LINGO1: variants seen among roughly 807,000 people sequenced by gnomAD.
LINGO1 encodes leucine-rich repeat and immunoglobulin-like domain-containing nogo receptor-interacting protein 1.
In LINGO1, 11 loss-of-function variants were observed where a neutral mutation model predicts 37.3. That is an observed-to-expected ratio of 0.29 (90% CI 0.19 to 0.49). The LOEUF (loss-of-function observed/expected upper bound fraction) is 0.49. LINGO1 is among the 20% of genes least tolerant of loss of function. The pLI is 0.99. For missense variants in LINGO1, 585 were observed against 878.2 expected (o/e 0.67, Z 4.22); for synonymous variants, 387 against 403.0 (o/e 0.96, Z 0.48).
intron 1 of LINGO1, among the ~76,000 whole-genome samples, chr15:77,758,126 G>A (rs1280426704): frequency 6.6e-6 from 1 of 152,186 alleles, no homozygotes; most frequent in Non-Finnish European, 1.5e-5. Context: ...GGAAGGTGAA[G>A]GATGGGAGGG....
At chr15:77,647,362 T>G (rs1596043262) in intron 3 of LINGO1, among the ~76,000 whole-genome samples, 2 of 107,390 alleles carry the variant, frequency 1.9e-5, no homozygotes, top group Admixed American at 1.2e-4. Context: ...TGATCCAAGG[T>G]GGGTGGTGAT....
intron 1 of LINGO1, among the ~76,000 whole-genome samples, chr15:77,780,809 G>A (rs938778774): frequency 6.6e-6 from 1 of 150,950 alleles, no homozygotes; most frequent in African/African-American, 2.5e-5. Flanking sequence ...CAGCAAGAAG[G>A]TGGCCATAGG....
chr15:77,727,029 C>T (rs948487513), intron 2 of LINGO1, among the ~76,000 whole-genome samples: 1 of 152,198 alleles, frequency 6.6e-6, no homozygotes, highest in African/African-American at 2.4e-5. Flanking sequence ...AAAGCAAAAC[C>T]ACAATGAGGT....
At chr15:77,761,866 C>T (rs1271035187) in intron 1 of LINGO1, among the ~76,000 whole-genome samples, 1 of 152,218 alleles carries the variant, frequency 6.6e-6, no homozygotes. Context: ...CCTGGAGTCT[C>T]CATCCCTGGC....
rs1362662399 is a variant in LINGO1, at chr15:77,615,316, C to T, written c.591G>A (p.Thr197=). 6 of 1,613,622 alleles carry T rather than the reference C, an allele frequency of 3.7e-6. No homozygotes were observed. Among genetic ancestry groups the T allele is most frequent in the Admixed American group, 3.3e-5 (2 of 60,004 alleles). Residue 197 remains threonine, a synonymous_variant, in exon 2 of 2, where the codon ACG becomes ACA. Coordinates refer to ENST00000355300, the MANE Select transcript of LINGO1 (RefSeq NM_032808.7). ...FSGLNSLEQL[T]LEKCNLTSIP... ...TGGAGGTCAGGTTGCATTTCTCCAG[C>T]GTCAGCTGCTCCAGGCTGTTGAGGC...
intron 1 of LINGO1, among the ~76,000 whole-genome samples, chr15:77,802,272 AGT>A (rs1405274688): frequency 6.6e-6 from 1 of 150,654 alleles, no homozygotes; most frequent in African/African-American, 2.5e-5. Flanking sequence ...ATCTAGAATC[AGT>A]GTGTGTGTAT....
chr15:77,635,263 C>T (rs1006440658), upstream of LINGO1, among the ~76,000 whole-genome samples: 10 of 152,244 alleles, frequency 6.6e-5, no homozygotes, highest in Non-Finnish European at 1.5e-4. Flanking sequence ...CCCCTCCCAG[C>T]TCTCCCTGTT....
intron 1 of LINGO1, among the ~76,000 whole-genome samples, chr15:77,752,759 C>T (rs895438823): frequency 9.9e-5 from 15 of 152,264 alleles, no homozygotes; most frequent in African/African-American, 1.4e-4. Flanking sequence ...TCAGCCTTCC[C>T]GTGTGCCCAC....
At chr15:77,702,748 T>C (rs1397020668) in intron 2 of LINGO1, among the ~76,000 whole-genome samples, 1 of 152,094 alleles carries the variant, frequency 6.6e-6, no homozygotes, top group Non-Finnish European at 1.5e-5. Context: ...CACACACCAA[T>C]GGCTAAGCTT....
At chr15:77,700,442 T>C (rs939668958), upstream of LINGO1, among the ~76,000 whole-genome samples, 5 of 152,198 alleles carry the variant, frequency 3.3e-5, no homozygotes, top group Admixed American at 2.0e-4. Flanking sequence ...CTCTTACTAC[T>C]ACCACTACTA....
At chr15:77,774,715 G>A (rs2076620118) in intron 1 of LINGO1, among the ~76,000 whole-genome samples, 1 of 152,162 alleles carries the variant, frequency 6.6e-6, no homozygotes, top group South Asian at 2.1e-4. Flanking sequence ...AGTCTAACAG[G>A]GTTGATGGCC....
In LINGO1 at chr15:77,672,923, G is replaced by A. The variant is rs538731151; in HGVS notation, c.-13+4166C>T. On this transcript the variant is annotated intron_variant, in intron 3 of 3. Transcript: ENST00000559893. ...TCTCAACTTCCTAAATCTCTCCCCA[G>A]GCAAAGATCAATGGAATCAAACAGC... Among the ~76,000 whole-genome samples, 388 of 152,200 alleles carry A rather than the reference G, an allele frequency of 2.5e-3. 3 individuals are homozygous for A. The highest frequency in any genetic ancestry group is 9.0e-3 in the African/African-American group (373 of 41,518).
chr15:77,764,817 T>C (rs893718900), intron 1 of LINGO1, among the ~76,000 whole-genome samples: 5 of 151,822 alleles, frequency 3.3e-5, no homozygotes, highest in Non-Finnish European at 7.4e-5. Context: ...ACTCCAAGAG[T>C]CTCCCACATG....
At chr15:77,726,485 C>A (rs773389904) in intron 2 of LINGO1, among the ~76,000 whole-genome samples, 1 of 152,246 alleles carries the variant, frequency 6.6e-6, no homozygotes, top group Non-Finnish European at 1.5e-5. Flanking sequence ...AGACCCTGCA[C>A]AAGAAAGAAT....
At chr15:77,694,181 C>T (rs1453846172) in intron 1 of LINGO1, among the ~76,000 whole-genome samples, 1 of 152,102 alleles carries the variant, frequency 6.6e-6, no homozygotes, top group South Asian at 2.1e-4. Context: ...GCGGGTGTTA[C>T]AGAGAGTCAA....
chr15:77,653,470 T>C (rs764660791), intron 3 of LINGO1, among the ~76,000 whole-genome samples: 10 of 152,158 alleles, frequency 6.6e-5, no homozygotes, highest in Non-Finnish European at 1.2e-4. Context: ...GAATGGAACA[T>C]TTGTTGAGTG....
intron 2 of LINGO1, among the ~76,000 whole-genome samples, chr15:77,709,795 T>C (rs1273569821): frequency 6.6e-6 from 1 of 152,158 alleles, no homozygotes; most frequent in Non-Finnish European, 1.5e-5. Context: ...GGCAGTCCCT[T>C]GATGAGCACC....
rs59034940 is a variant in LINGO1 at position 77,662,768 on chromosome 15, C to T, written c.-13+14321G>A. Among the ~76,000 whole-genome samples, 738 of 152,364 alleles carry T rather than the reference C, an allele frequency of 4.8e-3. 5 individuals carry two copies. The highest frequency in any genetic ancestry group is 0.017 in the African/African-American group (704 of 41,582). ...TCGATGGACTGACTCCTGAGCCATC[C>T]TGTGCACATGTGCCCTCAGCTTGGT... On this transcript the variant is annotated intron_variant, in intron 3 of 3. Transcript: ENST00000559893.
At chr15:77,676,120 A>G (rs1222132741) in intron 3 of LINGO1, among the ~76,000 whole-genome samples, 2 of 152,322 alleles carry the variant, frequency 1.3e-5, no homozygotes, top group East Asian at 3.9e-4. Context: ...CCCAGACCCC[A>G]GGTCTCTGTC....
Sources: gnomAD v4.1 joint callset for allele counts (sites outside exome capture counted in the v4.1 genomes callset) on GRCh38, gnomAD v4.1.1 for gene constraint, MANE v1.5 for transcripts, NCBI Gene and HGNC (gene_info 2026-07-23, HGNC 2026-07-21) for gene names.